The following MAGI2 variants were observed in gnomAD, a reference collection of about 807,000 sequenced individuals.
The protein encoded by MAGI2 is membrane-associated guanylate kinase, WW and PDZ domain-containing protein 2.
MAGI2 carries 35 observed loss-of-function variants against 133.3 expected under a neutral mutation model. That is an observed-to-expected ratio of 0.26 (90% CI 0.20 to 0.35). The LOEUF (loss-of-function observed/expected upper bound fraction) is 0.35, where lower values mean the gene tolerates loss of function less well. Among genes scored for constraint, MAGI2 ranks in the 10% least tolerant of loss-of-function variants. The pLI, the probability that MAGI2 is intolerant of heterozygous loss-of-function variation, is 1.00. For missense variants in MAGI2, 1,636 were observed against 1,863.4 expected (o/e 0.88, Z 2.25); for synonymous variants, 729 against 710.6 (o/e 1.03, Z -0.41).
At chr7:79,139,051 C>T (rs1821880298) in intron 1 of MAGI2, among the ~76,000 whole-genome samples, 2 of 147,868 alleles carry the variant, frequency 1.4e-5, no homozygotes, top group South Asian at 4.3e-4. Context: ...CATCTGGGAA[C>T]ACAGAAAGAA....
Position 78,793,358 on chromosome 7 carries a change from G to C in MAGI2, c.419-166119C>G, listed in dbSNP as rs146779054. Among the ~76,000 whole-genome samples the C allele has an allele frequency of 2.2e-3, 338 of 152,220 alleles. 3 individuals are homozygous for C. Among genetic ancestry groups the C allele is most frequent in the African/African-American group, 7.9e-3 (329 of 41,542 alleles). On this transcript the variant is annotated intron_variant, in intron 2 of 21. Transcript: ENST00000354212. The stretch of plus-strand genomic sequence containing the variant: ...ACATTTTTTGGTTTTTACAACTTCC[G>C]CAGGGGTTGCACCTATGGCATCTAG...
rs773554902 is a variant in MAGI2, at chr7:78,627,133, A to G, written c.525T>C (p.Ser175=). Residue 175 remains serine (S), a synonymous_variant, in exon 3 of 22, where the codon AGT becomes AGC. Transcript: ENST00000354212. ...CGTTGTGCTTACCTTCATAAGTCCC[A>G]CTTTCTAGGAGAGCACCACTTTTCT... is the stretch of plus-strand genomic sequence containing the variant. ...ELEKSGALLE[S]GTYEDNYYGT... 1.3e-6 allele frequency: 2 copies of G among 1,585,108 alleles called. No homozygotes were observed. Among genetic ancestry groups the G allele is most frequent in the Non-Finnish European group, 1.7e-6 (2 of 1,167,230 alleles).
chr7:78,592,424 T>C (rs1315714327), intron 3 of MAGI2, among the ~76,000 whole-genome samples: 1 of 151,522 alleles, frequency 6.6e-6, no homozygotes, highest in Non-Finnish European at 1.5e-5. Context: ...ACTGCTCTGC[T>C]CTCCTGGGTT....
chr7:78,582,943 G>A (rs188459436), intron 3 of MAGI2, among the ~76,000 whole-genome samples: 587 of 152,206 alleles, frequency 3.9e-3, no homozygotes, highest in Non-Finnish European at 6.4e-3. Flanking sequence ...TTCCTTATTC[G>A]TCAAAGTATT....
At chr7:79,019,551 C>T (rs867690781) in intron 1 of MAGI2, among the ~76,000 whole-genome samples, 5 of 151,490 alleles carry the variant, frequency 3.3e-5, no homozygotes, top group Middle Eastern at 6.8e-3. Flanking sequence ...TTCTTTTTTT[C>T]TTTCTTTTTT....
At chr7:79,022,022 G>T (rs1211708444) in intron 1 of MAGI2, among the ~76,000 whole-genome samples, 3 of 152,130 alleles carry the variant, frequency 2.0e-5, no homozygotes, top group Admixed American at 6.5e-5. Flanking sequence ...AGCAGTCATT[G>T]TCTATCCTGC....
intron 2 of MAGI2, among the ~76,000 whole-genome samples, chr7:78,932,142 A>T (rs954428977): frequency 6.6e-6 from 1 of 152,104 alleles, no homozygotes; most frequent in Non-Finnish European, 1.5e-5. Flanking sequence ...AAAGCATAAT[A>T]AAATGACAGT....
In MAGI2 at chr7:79,312,232, A is replaced by G. The variant is rs142580595; in HGVS notation, c.301+140788T>C. 5.1e-3 allele frequency among the ~76,000 whole-genome samples: 783 copies of G among 152,328 alleles called. 4 individuals are homozygous for G. Among genetic ancestry groups the G allele is most frequent in the African/African-American group, 0.018 (740 of 41,574 alleles). On this transcript the variant is annotated intron_variant, in intron 1 of 21. Coordinates refer to ENST00000354212, the MANE Select transcript of MAGI2 (RefSeq NM_012301.4). ...GAGACAATTCTAGTCATGTCATGTC[A>G]GGACACAAGTTAAGACAAGACAGGT... is the stretch of plus-strand genomic sequence containing the variant.
At chr7:79,284,088 TTGA>T (rs766782927) in intron 1 of MAGI2, among the ~76,000 whole-genome samples, 2 of 152,140 alleles carry the variant, frequency 1.3e-5, no homozygotes, top group Non-Finnish European at 2.9e-5. Context: ...GTAAGTGCAC[TTGA>T]TGATGTTCAC....
intron 1 of MAGI2, among the ~76,000 whole-genome samples, chr7:79,377,274 T>C (rs1428585529): frequency 6.6e-6 from 1 of 151,630 alleles, no homozygotes; most frequent in African/African-American, 2.4e-5. Context: ...TGAAGAAAAA[T>C]GTGCATGATT....
chr7:78,704,177 A>C (rs1818364778), intron 2 of MAGI2, among the ~76,000 whole-genome samples: 1 of 152,162 alleles, frequency 6.6e-6, no homozygotes, highest in Admixed American at 6.5e-5. Context: ...TATCTGACAA[A>C]GGTCTAATAT....
At chr7:78,410,895 A>G (rs1797811979) in intron 6 of MAGI2, among the ~76,000 whole-genome samples, 1 of 152,070 alleles carries the variant, frequency 6.6e-6, no homozygotes, top group South Asian at 2.1e-4. Context: ...TCGGGAGCTA[A>G]TTTATAAATA....
intron 5 of MAGI2, among the ~76,000 whole-genome samples, chr7:78,490,613 C>T (rs571558354): frequency 1.3e-5 from 2 of 152,090 alleles, no homozygotes; most frequent in East Asian, 1.9e-4. Flanking sequence ...TGGTGGACAA[C>T]ACATATTAAC....
chr7:78,565,727 T>C (rs1238656015), intron 3 of MAGI2, among the ~76,000 whole-genome samples: 1 of 152,214 alleles, frequency 6.6e-6, no homozygotes, highest in Non-Finnish European at 1.5e-5. Context: ...ACGACTAATA[T>C]ACTTTATTCT....
chr7:79,144,705 A>G (rs1822451111), intron 1 of MAGI2, among the ~76,000 whole-genome samples: 1 of 152,180 alleles, frequency 6.6e-6, no homozygotes, highest in African/African-American at 2.4e-5. Context: ...AGGCATTATT[A>G]CTCTCATTTC....
chr7:79,335,388 C>T (rs1308650079), intron 1 of MAGI2, among the ~76,000 whole-genome samples: 2 of 151,840 alleles, frequency 1.3e-5, no homozygotes, highest in African/African-American at 2.4e-5. Flanking sequence ...TTTTTAGATA[C>T]AGTGAGAGAA....
intron 1 of MAGI2, among the ~76,000 whole-genome samples, chr7:79,449,643 T>G (rs1001438050): frequency 2.0e-5 from 3 of 152,006 alleles, no homozygotes; most frequent in African/African-American, 7.2e-5. Flanking sequence ...GAATTACTGC[T>G]AATTTAGAAT....
intron 1 of MAGI2, among the ~76,000 whole-genome samples, chr7:79,180,029 T>C (rs1372646851): frequency 6.6e-6 from 1 of 151,966 alleles, no homozygotes; most frequent in African/African-American, 2.4e-5. Context: ...ATTCATCTAA[T>C]AGGGGAGTAA....
At chr7:79,133,040 T>C (rs1821081686) in intron 1 of MAGI2, among the ~76,000 whole-genome samples, 1 of 152,182 alleles carries the variant, frequency 6.6e-6, no homozygotes, top group Admixed American at 6.6e-5. Flanking sequence ...TTGTAGATTC[T>C]GCTTACCAGT....
Sources: allele counts gnomAD v4.1 joint callset (sites outside exome capture counted in the v4.1 genomes callset), GRCh38; gene constraint gnomAD v4.1.1; transcripts MANE v1.5; gene names NCBI Gene and HGNC (gene_info 2026-07-23, HGNC 2026-07-21).